Variants in BCOR observed in about 807,000 individuals in gnomAD.
BCOR encodes BCL-6 corepressor.
BCOR carries 10 observed loss-of-function variants against 86.7 expected under a neutral mutation model. The observed-to-expected ratio is 0.12, with a 90% CI of 0.07 to 0.20. BCOR has a LOEUF of 0.20. Ranked by LOEUF, BCOR falls within the 10% of genes least tolerant of loss-of-function variation. BCOR has a pLI of 1.00. For missense variants in BCOR, 1,259 were observed against 1,452.1 expected (o/e 0.87, Z 2.16); for synonymous variants, 611 against 609.0 (o/e 1.00, Z -0.05).
chrX:40,072,778 T>A lies in BCOR; in HGVS notation c.2568A>T (p.Arg856Ser). The A allele has an allele frequency of 2.5e-6, 3 of 1,211,500 alleles. No homozygotes were observed. The highest frequency in any genetic ancestry group is 3.4e-6 in the Non-Finnish European group (3 of 895,441). The change falls in exon 4 of 15, where the codon AGA (arginine) becomes AGT (serine). Residue 856 changes from arginine to serine, a missense_variant. Coordinates refer to ENST00000378444, the MANE Select transcript of BCOR (RefSeq NM_001123385.2). ...AGTCACTGATGCGCCCCAACTCCTC[T>A]CTCAGGGCGATGAAATCACGGTGCT... Reference protein sequence around the residue: ...LQQHRDFIALREELGRISDFH... With the variant: ...LQQHRDFIALSEELGRISDFH...
intron 10 of BCOR, among the ~76,000 whole-genome samples, chrX:40,059,637 G>A (rs780025373): frequency 1.8e-5 from 2 of 112,955 alleles, no homozygotes; most frequent in African/African-American, 6.4e-5. Context: ...TATTCTCCAC[G>A]CTGGAAATGG....
intron 1 of BCOR, among the ~76,000 whole-genome samples, chrX:40,141,439 G>A (rs1264139992): frequency 2.7e-5 from 3 of 112,831 alleles, no homozygotes; most frequent in Non-Finnish European, 5.6e-5. Flanking sequence ...ATGGCTTGAG[G>A]AAGGGCACCT....
chrX:40,152,950 G>GC (rs1454542846), intron 1 of BCOR, among the ~76,000 whole-genome samples: 1 of 112,771 alleles, frequency 8.9e-6, no homozygotes, highest in Non-Finnish European at 1.9e-5. Flanking sequence ...TGGTCAAAGT[G>GC]GGGGGTGAAA....
chrX:40,088,127 C>A (rs1007750082), intron 1 of BCOR, among the ~76,000 whole-genome samples: 12 of 111,902 alleles, frequency 1.1e-4, no homozygotes, highest in Non-Finnish European at 2.1e-4. Context: ...GGTGGCTGGA[C>A]AAAACAAACA....
intron 1 of BCOR, among the ~76,000 whole-genome samples, chrX:40,151,914 C>A (rs955331078): frequency 8.9e-6 from 1 of 111,958 alleles, no homozygotes; most frequent in Non-Finnish European, 1.9e-5. Flanking sequence ...ACTGTCCTTT[C>A]GACGTGAGAT....
At chrX:40,076,216 G>A (rs1935799239) in intron 3 of BCOR, among the ~76,000 whole-genome samples, 1 of 111,752 alleles carries the variant, frequency 8.9e-6, no homozygotes, top group Admixed American at 9.5e-5. Context: ...TGGAAGAAAA[G>A]AGAGTACACA....
chrX:40,096,093 G>A (rs759821098), intron 1 of BCOR, among the ~76,000 whole-genome samples: 1 of 112,565 alleles, frequency 8.9e-6, no homozygotes, highest in South Asian at 3.5e-4. Context: ...TCCGAGCGCG[G>A]GCCCCGCGGC....
rs1290420731 is a variant in BCOR at position 40,072,981 on chromosome X, G to T, written c.2365C>A (p.Pro789Thr). ...ACAGTCTTCCCTTGATTCCAGTTGG[G>T]GTTCGGCTTTAGGTTCTTGTCGGTG... Reference protein sequence around the residue: ...VPTDKNLKPNPNWNQGKTVVK... With the variant: ...VPTDKNLKPNTNWNQGKTVVK... The change falls in exon 4 of 15, where the codon CCC (proline) becomes ACC (threonine). Residue 789 changes from proline (P) to threonine (T), a missense_variant. Physicochemically the swap from Pro to Thr is conservative, Grantham distance 38. Coordinates refer to ENST00000378444, the MANE Select transcript of BCOR (RefSeq NM_001123385.2). 8.3e-7 allele frequency: 1 copy of T among 1,210,304 alleles called. No individual in the cohort carries two copies. Among genetic ancestry groups the T allele is most frequent in the African/African-American group, 1.7e-5 (1 of 57,224 alleles).
intron 1 of BCOR, among the ~76,000 whole-genome samples, chrX:40,094,970 A>C (rs367693281): frequency 8.9e-6 from 1 of 112,091 alleles, no homozygotes. Context: ...CAGCGCCTCA[A>C]AGGACAGCGC....
chrX:40,155,776 A>G (rs929041362), intron 1 of BCOR, among the ~76,000 whole-genome samples: 1 of 112,239 alleles, frequency 8.9e-6, no homozygotes, highest in Non-Finnish European at 1.9e-5. Context: ...ATCAACACCA[A>G]ATCACCCCCG....
intron 1 of BCOR, among the ~76,000 whole-genome samples, chrX:40,105,211 C>T (rs989883968): frequency 2.7e-5 from 3 of 111,216 alleles, no homozygotes; most frequent in African/African-American, 9.7e-5. Flanking sequence ...GCCGAGACCA[C>T]CCTGCGGCCC....
chrX:40,145,032 A>G (rs1357401611), intron 1 of BCOR, among the ~76,000 whole-genome samples: 1 of 87,645 alleles, frequency 1.1e-5, no homozygotes, highest in East Asian at 4.0e-4. Flanking sequence ...TTAAGCATTT[A>G]GTCTGGGTAA....
At position 40,052,587 on chromosome X, in the gene BCOR, C is replaced by T. The variant is rs1324227808; in HGVS notation, c.4977-187G>A. On this transcript the variant is annotated intron_variant, in intron 14 of 14. Coordinates refer to ENST00000378444, the MANE Select transcript of BCOR (RefSeq NM_001123385.2). ...TTTTTTTTTTTTTTTTTTTTGGAGA[C>T]GGAATCTCGCTCTGTCGCCCAGGCT... Among the ~76,000 whole-genome samples the T allele has an allele frequency of 3.8e-4, 26 of 67,653 alleles. 3 individuals carry two copies. The highest frequency in any genetic ancestry group is 1.2e-3 in the African/African-American group (19 of 15,985). The allele number at this position is 67,653 out of a possible 115,157, so 58.7% of individuals were successfully genotyped here.
chrX:40,068,271 T>C (rs931832437), intron 6 of BCOR, among the ~76,000 whole-genome samples: 2 of 112,115 alleles, frequency 1.8e-5, no homozygotes, highest in South Asian at 7.4e-4. Context: ...ACTGAGATTT[T>C]TGAGGACTGC....
intron 1 of BCOR, among the ~76,000 whole-genome samples, chrX:40,111,767 C>G (rs1332260311): frequency 2.7e-5 from 3 of 111,958 alleles, no homozygotes; most frequent in Non-Finnish European, 5.6e-5. Flanking sequence ...CCTTCCCCCC[C>G]AGTTTCTCTG....
chrX:40,167,105 C>T, intron 1 of BCOR, among the ~76,000 whole-genome samples: 1 of 112,446 alleles, frequency 8.9e-6, no homozygotes, highest in Non-Finnish European at 1.9e-5. Flanking sequence ...CTCCATCTAC[C>T]TTCTCCACTG....
At chrX:40,152,873 A>G (rs1042051974) in intron 1 of BCOR, among the ~76,000 whole-genome samples, 1 of 113,003 alleles carries the variant, frequency 8.8e-6, no homozygotes, top group African/African-American at 3.2e-5. Flanking sequence ...GGAGCTCCCG[A>G]GACAGAATGA....
intron 1 of BCOR, among the ~76,000 whole-genome samples, chrX:40,174,053 G>C (rs892694309): frequency 1.8e-5 from 2 of 113,069 alleles, no homozygotes; most frequent in African/African-American, 3.2e-5. Flanking sequence ...TAAGAGCCTA[G>C]GGAGGCCTCG....
At chrX:40,107,420 C>T (rs1937211383) in intron 1 of BCOR, among the ~76,000 whole-genome samples, 1 of 112,250 alleles carries the variant, frequency 8.9e-6, no homozygotes, top group South Asian at 3.7e-4. Context: ...CGCCCCCACC[C>T]AAGCGCGCGC....
Sources: allele counts gnomAD v4.1 joint callset (sites outside exome capture counted in the v4.1 genomes callset), GRCh38; gene constraint gnomAD v4.1.1; transcripts MANE v1.5; gene names NCBI Gene and HGNC (gene_info 2026-07-23, HGNC 2026-07-21).